The following PDZD2 variants were observed in gnomAD, a reference collection of about 807,000 sequenced individuals.
PDZD2 encodes the protein PDZ domain-containing protein 2.
In PDZD2, 90 loss-of-function variants were observed where a neutral mutation model predicts 220.7. That is an observed-to-expected ratio of 0.41 (90% CI 0.34 to 0.49). PDZD2 has a LOEUF of 0.49. Ranked by LOEUF, PDZD2 falls within the 20% of genes least tolerant of loss-of-function variation. The pLI, the probability that PDZD2 is intolerant of heterozygous loss-of-function variation, is 0.28. For synonymous variants in PDZD2, 1,375 were observed against 1,450.5 expected (o/e 0.95, Z 1.18); for missense variants, 3,174 against 3,608.5 (o/e 0.88, Z 3.08).
intron 1 of PDZD2, among the ~76,000 whole-genome samples, chr5:31,758,398 A>C (rs944040656): frequency 6.6e-6 from 1 of 152,324 alleles, no homozygotes; most frequent in African/African-American, 2.4e-5. Flanking sequence ...AGGGCGCCCC[A>C]GAGCTCAGCA....
intron 2 of PDZD2, among the ~76,000 whole-genome samples, chr5:31,884,258 T>TCC (rs1740220074): frequency 1.3e-5 from 2 of 151,370 alleles, no homozygotes; most frequent in African/African-American, 4.8e-5. Flanking sequence ...CATACATACA[T>TCC]ACATCCTGGG....
intron 7 of PDZD2, among the ~76,000 whole-genome samples, chr5:32,039,872 T>C: frequency 7.2e-6 from 1 of 138,206 alleles, no homozygotes; most frequent in Non-Finnish European, 1.5e-5. Context: ...GGCTGCCCCA[T>C]CTGGGAGGAA....
intron 2 of PDZD2, among the ~76,000 whole-genome samples, chr5:31,905,622 A>T (rs1047448994): frequency 1.3e-5 from 2 of 152,268 alleles, no homozygotes; most frequent in African/African-American, 4.8e-5. Flanking sequence ...CTTCTTGGTC[A>T]GGAAAGTATT....
At chr5:31,671,690 A>G (rs1222706872) in intron 1 of PDZD2, among the ~76,000 whole-genome samples, 1 of 152,194 alleles carries the variant, frequency 6.6e-6, no homozygotes, top group Non-Finnish European at 1.5e-5. Flanking sequence ...ATCCAAGGCC[A>G]GGCACCCGCG....
intron 6 of PDZD2, among the ~76,000 whole-genome samples, chr5:32,026,620 C>G (rs7713642): frequency 0.16 from 24,502 of 152,228 alleles, 2,126 homozygotes; most frequent in Admixed American, 0.19. Context: ...AGTCCTACTT[C>G]CAGAAATACA....
At chr5:31,740,047 T>C (rs1181866608) in intron 1 of PDZD2, among the ~76,000 whole-genome samples, 1 of 152,194 alleles carries the variant, frequency 6.6e-6, no homozygotes, top group Non-Finnish European at 1.5e-5. Context: ...TGTTCCCATC[T>C]TTTCTCTTGA....
At chr5:31,769,022 A>G (rs1159819976) in intron 1 of PDZD2, among the ~76,000 whole-genome samples, 2 of 152,226 alleles carry the variant, frequency 1.3e-5, no homozygotes, top group African/African-American at 4.8e-5. Context: ...TGAGTGAATG[A>G]ACTGAACTAC....
At chr5:31,876,529 G>A (rs1739321677) in intron 2 of PDZD2, among the ~76,000 whole-genome samples, 1 of 152,080 alleles carries the variant, frequency 6.6e-6, no homozygotes, top group Admixed American at 6.6e-5. Flanking sequence ...CTGACTTCAA[G>A]TGATCCACCC....
At chr5:32,026,615 T>C (rs144346561) in intron 6 of PDZD2, among the ~76,000 whole-genome samples, 90 of 152,346 alleles carry the variant, frequency 5.9e-4, no homozygotes, top group African/African-American at 2.1e-3. Flanking sequence ...ATCATAGTCC[T>C]ACTTCCAGAA....
intron 6 of PDZD2, among the ~76,000 whole-genome samples, chr5:32,021,728 G>A (rs758407573): frequency 6.6e-6 from 1 of 152,178 alleles, no homozygotes; most frequent in East Asian, 1.9e-4. Context: ...TAATGGGCAG[G>A]TGTTTTCCAA....
intron 3 of PDZD2, among the ~76,000 whole-genome samples, chr5:31,991,523 G>A (rs1326802484): frequency 6.6e-6 from 1 of 152,188 alleles, no homozygotes; most frequent in Non-Finnish European, 1.5e-5. Flanking sequence ...GGAAAGCCAG[G>A]AGTAAGAGAG....
Position 32,097,350 on chromosome 5 carries a change from A to T in PDZD2, c.7917A>T (p.Gly2639=), listed in dbSNP as rs763285815. ...CAGGTCTGGGATTCAGTGTGGCAGG[A>T]GGGACAGATGTGGAGCCAAAATCAA... The part of the protein sequence containing the change: ...EGSGLGFSVA[G]GTDVEPKSIT... The change falls in exon 22 of 25, where the codon GGA becomes GGT. Residue 2639 remains glycine, a synonymous_variant. Coordinates refer to ENST00000438447, the MANE Select transcript of PDZD2 (RefSeq NM_178140.4). 6.2e-7 allele frequency: 1 copy of T among 1,612,326 alleles called. No individual in the cohort carries two copies. The highest frequency in any genetic ancestry group is 1.3e-5 in the African/African-American group (1 of 74,890).
At chr5:31,777,967 T>C (rs1752807509) in intron 1 of PDZD2, among the ~76,000 whole-genome samples, 1 of 140,780 alleles carries the variant, frequency 7.1e-6, no homozygotes, top group African/African-American at 2.5e-5. Flanking sequence ...GGAGAACTTT[T>C]ATGTCTAGCT....
intron 1 of PDZD2, among the ~76,000 whole-genome samples, chr5:31,736,532 C>A (rs1041340140): frequency 3.9e-5 from 6 of 152,230 alleles, no homozygotes; most frequent in Non-Finnish European, 8.8e-5. Flanking sequence ...TATTTTAGAT[C>A]TTAAAACTGT....
intron 5 of PDZD2, among the ~76,000 whole-genome samples, chr5:32,004,901 G>A (rs112019350): frequency 6.6e-6 from 1 of 152,124 alleles, no homozygotes; most frequent in African/African-American, 2.4e-5. Flanking sequence ...TTGGCCCTTG[G>A]GCATCTGTAC....
chr5:31,640,371 C>G (rs1744902726), intron 1 of PDZD2, among the ~76,000 whole-genome samples: 1 of 152,234 alleles, frequency 6.6e-6, no homozygotes, highest in Admixed American at 6.5e-5. Context: ...TGCCCTGGGA[C>G]TGGCCGTTGG....
chr5:31,750,161 A>G (rs1311265737), intron 1 of PDZD2, among the ~76,000 whole-genome samples: 1 of 152,160 alleles, frequency 6.6e-6, no homozygotes, highest in Non-Finnish European at 1.5e-5. Flanking sequence ...CCAGTTTGCC[A>G]TCTCTAGCGC....
intron 8 of PDZD2, among the ~76,000 whole-genome samples, chr5:32,051,619 C>CT (rs995087152): frequency 9.2e-5 from 14 of 152,088 alleles, no homozygotes; most frequent in Admixed American, 5.2e-4. Context: ...CATTTGATCT[C>CT]TTTATGTTCT....
Position 32,108,016 on chromosome 5 carries a change from C to A in PDZD2, c.8401C>A (p.Leu2801Ile). 1.2e-6 allele frequency: 2 copies of A among 1,612,836 alleles called. No individual in the cohort carries two copies. The highest frequency in any genetic ancestry group is 1.7e-6 in the Non-Finnish European group (2 of 1,178,952). Residue 2801 changes from leucine (L) to isoleucine (I), a missense_variant, in exon 25 of 25, where the codon CTT (leucine) becomes ATT (isoleucine). Physicochemically the swap from Leu to Ile is conservative, Grantham distance 5. Coordinates refer to ENST00000438447, the MANE Select transcript of PDZD2 (RefSeq NM_178140.4). The part of the protein sequence containing the change: ...AGIIEAGDEI[L>I]AINGKPLVGL... ...AATAATAGAAGCTGGAGATGAAATT[C>A]TTGCTATTAATGGGAAACCTCTGGT...
Sources: allele counts gnomAD v4.1 joint callset (sites outside exome capture counted in the v4.1 genomes callset), GRCh38; gene constraint gnomAD v4.1.1; transcripts MANE v1.5; gene names NCBI Gene and HGNC (gene_info 2026-07-23, HGNC 2026-07-21).